CCDC88C: variants seen among roughly 807,000 people sequenced by gnomAD.
The protein encoded by CCDC88C is protein Daple.
In CCDC88C, 131 loss-of-function variants were observed where a neutral mutation model predicts 198.8. The observed-to-expected ratio is 0.66, with a 90% CI of 0.57 to 0.76. CCDC88C has a LOEUF of 0.76. Ranked by LOEUF, CCDC88C falls within the 30% of genes least tolerant of loss-of-function variation. The pLI, the probability that CCDC88C is intolerant of heterozygous loss-of-function variation, is 0.00. For synonymous variants in CCDC88C, 1,166 were observed against 1,114.7 expected, an observed-to-expected ratio of 1.05 and a Z score of -0.92; for missense variants, 2,553 against 2,631.6, an observed-to-expected ratio of 0.97 and a Z score of 0.65.
intron 3 of CCDC88C, among the ~76,000 whole-genome samples, chr14:91,368,345 G>A (rs1259324461): frequency 4.6e-5 from 7 of 152,190 alleles, no homozygotes; most frequent in Non-Finnish European, 1.5e-5. Context: ...GGGAAAAAAA[G>A]CTTCGAATTT....
intron 3 of CCDC88C, among the ~76,000 whole-genome samples, chr14:91,391,785 A>G (rs921023346): frequency 6.6e-6 from 1 of 152,174 alleles, no homozygotes; most frequent in African/African-American, 2.4e-5. Flanking sequence ...TCTCAAAAAG[A>G]AAAAGAAAAA....
At chr14:91,396,867 G>C (rs144081103) in intron 3 of CCDC88C, among the ~76,000 whole-genome samples, 26 of 152,278 alleles carry the variant, frequency 1.7e-4, no homozygotes, top group African/African-American at 5.3e-4. Flanking sequence ...AGAAGTGGTG[G>C]TGCATGCTGG....
At chr14:91,378,135 C>T (rs1336232294) in intron 3 of CCDC88C, among the ~76,000 whole-genome samples, 1 of 152,174 alleles carries the variant, frequency 6.6e-6, no homozygotes, top group East Asian at 1.9e-4. Flanking sequence ...GTGGGTGAGG[C>T]CATCTATAAC....
At chr14:91,406,019 G>A (rs556176053) in intron 3 of CCDC88C, among the ~76,000 whole-genome samples, 6 of 152,224 alleles carry the variant, frequency 3.9e-5, no homozygotes, top group South Asian at 4.1e-4. Context: ...GGGAGAGCAG[G>A]GATGCAGGGT....
chr14:91,337,200 G>C (rs1893085625), intron 10 of CCDC88C, among the ~76,000 whole-genome samples: 1 of 152,200 alleles, frequency 6.6e-6, no homozygotes, highest in Non-Finnish European at 1.5e-5. Flanking sequence ...ATGTAGCCTT[G>C]ACCCTTTCAC....
rs536967429 is a variant in CCDC88C, at chr14:91,280,741, A to G, written c.4699+716T>C. ...TGTTGGATTAGCCTCCACTCAGTGT[A>G]AAGATGTAAGACTCCCATTCATTCA... On this transcript the variant is annotated intron_variant, in intron 27 of 29. Transcript: ENST00000389857. Among the ~76,000 whole-genome samples the G allele has an allele frequency of 3.9e-5, 6 of 152,302 alleles. No individual in the cohort carries two copies. In the East Asian group the frequency reaches 1.2e-3, roughly 29 times the overall value.
At chr14:91,276,813 G>A (rs1052401225) in intron 29 of CCDC88C, among the ~76,000 whole-genome samples, 2 of 152,308 alleles carry the variant, frequency 1.3e-5, no homozygotes, top group African/African-American at 4.8e-5. Context: ...CTTTAAAGAC[G>A]TATGTGCAGC....
chr14:91,353,301 CT>C (rs1341997751), intron 4 of CCDC88C, among the ~76,000 whole-genome samples: 1 of 152,178 alleles, frequency 6.6e-6, no homozygotes, highest in Non-Finnish European at 1.5e-5. Flanking sequence ...ATATTGCCTC[CT>C]CCAGGAAGCC....
intron 2 of CCDC88C, among the ~76,000 whole-genome samples, chr14:91,412,207 G>GTTTTTTTTTTTTTTT (rs1567129989): frequency 1.3e-5 from 2 of 151,922 alleles, no homozygotes; most frequent in African/African-American, 4.8e-5. Flanking sequence ...TATGTTTAAT[G>GTTTTTTTTTTTTTTT]TATTTTTATA....
rs1346730069 is a variant in CCDC88C at position 91,305,979 on chromosome 14, C to T, written c.3196-53G>A. The T allele has an allele frequency of 7.0e-6, 11 of 1,579,918 alleles. No homozygotes were observed. In the East Asian group the frequency reaches 2.0e-4, roughly 29 times the overall value. On this transcript the variant is annotated intron_variant, in intron 18 of 29. Transcript: ENST00000389857. The stretch of plus-strand genomic sequence containing the variant: ...CAAACTCCAACTGGGTAAATGCTAA[C>T]TGGCCACAGGTACTTGGGTTGTAAC...
chr14:91,359,578 C>G, intron 4 of CCDC88C, 64 bp downstream of exon 4: 1 of 1,328,972 alleles, frequency 7.5e-7, no homozygotes, highest in Middle Eastern at 1.8e-4. Context: ...CGATGGCCAG[C>G]AGCTGCCCAA....
intron 28 of CCDC88C, 100 bp downstream of exon 28, chr14:91,279,138 G>C (rs1354122803): frequency 1.1e-6 from 1 of 932,922 alleles, no homozygotes; most frequent in African/African-American, 1.6e-5. Context: ...GGGCTCAAGC[G>C]ATCCACCTGC....
chr14:91,357,999 G>A (rs1894120337), intron 4 of CCDC88C, among the ~76,000 whole-genome samples: 1 of 152,214 alleles, frequency 6.6e-6, no homozygotes. Flanking sequence ...ATGTAAGGCG[G>A]TGAGTGCCCA....
At chr14:91,356,032 T>C (rs537468446) in intron 4 of CCDC88C, among the ~76,000 whole-genome samples, 1 of 152,146 alleles carries the variant, frequency 6.6e-6, no homozygotes, top group Non-Finnish European at 1.5e-5. Context: ...CGGGGATAGA[T>C]TTAGTCAAAA....
chr14:91,280,761 C>T (rs909958694), intron 27 of CCDC88C, among the ~76,000 whole-genome samples: 1 of 152,156 alleles, frequency 6.6e-6, no homozygotes, highest in Non-Finnish European at 1.5e-5. Context: ...GACTCCCATT[C>T]ATTCAATTGT....
chr14:91,413,058 G>A (rs930391462), intron 2 of CCDC88C, among the ~76,000 whole-genome samples: 8 of 152,132 alleles, frequency 5.3e-5, no homozygotes, highest in Non-Finnish European at 7.3e-5. Context: ...TTTGCAGCTA[G>A]CACCAGGGGT....
intron 3 of CCDC88C, chr14:91,379,733 T>C (rs1884665280): frequency 1.5e-5 from 10 of 668,410 alleles, no homozygotes; most frequent in African/African-American, 1.8e-5. Context: ...TGGCCTTCCA[T>C]GGCCAGGCCT....
intron 20 of CCDC88C, 85 bp downstream of exon 20, chr14:91,303,615 AC>A: frequency 2.2e-6 from 3 of 1,357,550 alleles, no homozygotes; most frequent in Middle Eastern, 2.1e-4. Flanking sequence ...CCACCCATCT[AC>A]CCCAGGCCCC....
rs1208683364 is a variant in CCDC88C at position 91,379,654 on chromosome 14, T to C, written c.271-19943A>G. On this transcript the variant is annotated intron_variant, in intron 3 of 29. Coordinates refer to ENST00000389857, the MANE Select transcript of CCDC88C (RefSeq NM_001080414.4). ...GAACTCCGGCCTCAAGCTCACCTTC[T>C]TCCACTCCGCCCCAGCACCCATTCT... The C allele has an allele frequency of 1.0e-4, 59 of 588,702 alleles. 1 individual carries two copies. In the Admixed American group the frequency reaches 1.8e-3, roughly 18 times the overall value. 36.5% of individuals were successfully genotyped at this position (588,702 alleles called of 1,614,324 possible).
Sources: allele counts gnomAD v4.1 joint callset (sites outside exome capture counted in the v4.1 genomes callset), GRCh38; gene constraint gnomAD v4.1.1; transcripts MANE v1.5; gene names NCBI Gene and HGNC (gene_info 2026-07-23, HGNC 2026-07-21).